Variants in DOCK5 observed in about 807,000 individuals in gnomAD.
DOCK5 encodes the protein dedicator of cytokinesis protein 5.
In DOCK5, 142 loss-of-function variants were observed where a neutral mutation model predicts 251.8. The observed-to-expected ratio is 0.56, with a 90% CI of 0.49 to 0.65. The LOEUF (loss-of-function observed/expected upper bound fraction) is 0.65. Ranked by LOEUF, DOCK5 falls within the 30% of genes least tolerant of loss-of-function variation. The probability of loss-of-function intolerance (pLI) is 0.00; values close to 1 mark genes in which losing one functional copy is unlikely to be tolerated. For synonymous variants in DOCK5, 842 were observed against 835.5 expected (o/e 1.01, Z -0.13); for missense variants, 2,111 against 2,312.3 (o/e 0.91, Z 1.79).
intron 6 of DOCK5, among the ~76,000 whole-genome samples, chr8:25,293,121 C>CT (rs1344874736): frequency 1.3e-5 from 2 of 152,128 alleles, no homozygotes; most frequent in African/African-American, 4.8e-5. Flanking sequence ...CTGACCAGCA[C>CT]TTTTTTAAAA....
chr8:25,390,367 G>A (rs1034329404), intron 42 of DOCK5, 80 bp downstream of exon 42: 31 of 1,262,874 alleles, frequency 2.5e-5, no homozygotes, highest in African/African-American at 2.0e-4. Flanking sequence ...AACATTTTCC[G>A]AAGCTGAGGG....
rs898752241 is a variant in DOCK5 at position 25,346,717 on chromosome 8, G to A, written c.2754+1106G>A. Among the ~76,000 whole-genome samples the A allele has an allele frequency of 1.7e-4, 17 of 98,790 alleles. 3 individuals are homozygous for A. Among genetic ancestry groups the A allele is most frequent in the East Asian group, 6.7e-4 (2 of 2,996 alleles). 64.8% of individuals were successfully genotyped at this position (98,790 alleles called of 152,430 possible). A position where few individuals can be genotyped will look rare whatever the true frequency, so the allele number is the denominator to read the frequency against. On this transcript the variant is annotated intron_variant, in intron 26 of 51. Coordinates refer to ENST00000276440, the MANE Select transcript of DOCK5 (RefSeq NM_024940.8). ...CACGCGCCTATAGTCCCAGCTACTC[G>A]GGAGGCCGAGGCAGGAGAATCCCTT...
At position 25,298,962 on chromosome 8, in the gene DOCK5, G is replaced by T; in HGVS notation, c.625G>T (p.Asp209Tyr). 2 of 1,612,102 alleles carry T rather than the reference G, an allele frequency of 1.2e-6. No individual in the cohort carries two copies. Among genetic ancestry groups the T allele is most frequent in the Non-Finnish European group, 1.7e-6 (2 of 1,179,294 alleles). Residue 209 changes from aspartate (D) to tyrosine (Y), a missense_variant, in exon 8 of 52, where the codon GAT becomes TAT. Transcript: ENST00000276440. ...TGTTCAGTCAATCCTGCAGAACCTC[G>T]ATTTGCGGGGCCAGTCCATCTTCAG... ...QEEKSILQNL[D>Y]LRGQSIFSTI...
intron 1 of DOCK5, among the ~76,000 whole-genome samples, chr8:25,230,890 G>A (rs1189460090): frequency 1.3e-5 from 2 of 151,968 alleles, no homozygotes; most frequent in South Asian, 2.1e-4. Flanking sequence ...CACCATTTGC[G>A]AAGAGTATGA....
intron 28 of DOCK5, among the ~76,000 whole-genome samples, chr8:25,361,871 GTC>G (rs1800688222): frequency 6.6e-6 from 1 of 152,202 alleles, no homozygotes; most frequent in Non-Finnish European, 1.5e-5. Context: ...TGGGCCTCCT[GTC>G]TCTCACATAC....
rs924321586 is a variant in DOCK5 at position 25,235,799 on chromosome 8, C to CTT, written c.44-7858_44-7857dup. On this transcript the variant is annotated intron_variant, in intron 1 of 51. Transcript: ENST00000276440. ...ATAGAGATTTTTTTCTTTTCTTTTC[C>CTT]TTTTTTTTTTTTTTTTTTGAAACGG... is the stretch of plus-strand genomic sequence containing the variant. 2.8e-3 allele frequency among the ~76,000 whole-genome samples: 358 copies of CTT among 128,578 alleles called. 6 individuals carry two copies. The highest frequency in any genetic ancestry group is 6.8e-3 in the African/African-American group (232 of 33,926). 84.4% of individuals were successfully genotyped at this position (128,578 alleles called of 152,430 possible). A position where few individuals can be genotyped will look rare whatever the true frequency, so the allele number is the denominator to read the frequency against.
At chr8:25,308,704 ACT>A in intron 11 of DOCK5, 77 bp from the exon 12 acceptor site, 1 of 1,507,642 alleles carries the variant, frequency 6.6e-7, no homozygotes, top group Non-Finnish European at 9.1e-7. Flanking sequence ...TTCCTATATG[ACT>A]CACCATTATC....
At chr8:25,267,512 A>T (rs1803787748) in intron 2 of DOCK5, among the ~76,000 whole-genome samples, 1 of 152,238 alleles carries the variant, frequency 6.6e-6, no homozygotes, top group Non-Finnish European at 1.5e-5. Context: ...AGAACAAATT[A>T]CAAGAGAGTT....
In DOCK5 at chr8:25,341,766, A is replaced by T; in HGVS notation, c.2467A>T (p.Ile823Leu). The T allele has an allele frequency of 6.3e-7, 1 of 1,578,616 alleles. No individual in the cohort carries two copies. The highest frequency in any genetic ancestry group is 1.2e-5 in the South Asian group (1 of 86,288). ...GGCAGCTTTGAAGTACCTTCCTAGC[A>T]TAATTAATGATGTCAAACTTGTATT... is the stretch of plus-strand genomic sequence containing the variant. ...KGAALKYLPS[I>L]INDVKLVFDP... The change falls in exon 24 of 52, where the codon ATA (isoleucine) becomes TTA (leucine). Residue 823 changes from isoleucine (I) to leucine (L), a missense_variant. Physicochemically the swap from Ile to Leu is conservative, Grantham distance 5. Transcript: ENST00000276440.
Position 25,395,525 on chromosome 8 carries a change from A to G in DOCK5, c.4528-18A>G. On this transcript the variant is annotated intron_variant, in intron 44 of 51. Coordinates refer to ENST00000276440, the MANE Select transcript of DOCK5 (RefSeq NM_024940.8). ...AGCTGACAAGTGTCCTCTTTCTCCCATGTGCTCTGTCACTCAGGAAGAGAT... is the reference window on the plus strand; with the variant it reads ...AGCTGACAAGTGTCCTCTTTCTCCCGTGTGCTCTGTCACTCAGGAAGAGAT... 6.3e-7 allele frequency: 1 copy of G among 1,599,858 alleles called. No homozygotes were observed. The highest frequency in any genetic ancestry group is 8.5e-7 in the Non-Finnish European group (1 of 1,176,544).
chr8:25,404,413 G>A (rs924032931), intron 48 of DOCK5, among the ~76,000 whole-genome samples: 5 of 152,098 alleles, frequency 3.3e-5, no homozygotes, highest in Admixed American at 6.6e-5. Flanking sequence ...CTTGGGGCCC[G>A]AAGTGTTTTG....
chr8:25,291,901 A>G, intron 5 of DOCK5, 123 bp from the exon 6 acceptor site: 2 of 1,024,984 alleles, frequency 2.0e-6, no homozygotes. Context: ...AATCGGCCAA[A>G]AGATGTTCCC....
chr8:25,269,080 G>A (rs1056796690), intron 3 of DOCK5, among the ~76,000 whole-genome samples, 195 bp downstream of exon 3: 1 of 152,188 alleles, frequency 6.6e-6, no homozygotes, highest in African/African-American at 2.4e-5. Context: ...CCCATTGACT[G>A]TATTTCCTAC....
chr8:25,242,716 C>T (rs1163860550), intron 1 of DOCK5, among the ~76,000 whole-genome samples: 1 of 152,186 alleles, frequency 6.6e-6, no homozygotes. Flanking sequence ...CAACCCGGCC[C>T]AGCCATTGCC....
At chr8:25,363,856 G>T (rs1319234973) in intron 29 of DOCK5, among the ~76,000 whole-genome samples, 2 of 152,170 alleles carry the variant, frequency 1.3e-5, no homozygotes, top group African/African-American at 4.8e-5. Context: ...ATTCCATAAG[G>T]TTCTTCTGAA....
At chr8:25,329,136 C>T (rs1410406611) in intron 18 of DOCK5, among the ~76,000 whole-genome samples, 1 of 152,142 alleles carries the variant, frequency 6.6e-6, no homozygotes, top group Non-Finnish European at 1.5e-5. Flanking sequence ...CTTAAATTCT[C>T]TCCTTTAGGG....
chr8:25,315,424 C>G (rs1805218382), intron 13 of DOCK5, among the ~76,000 whole-genome samples: 1 of 152,178 alleles, frequency 6.6e-6, no homozygotes, highest in Non-Finnish European at 1.5e-5. Flanking sequence ...TGGTGCTTCT[C>G]TCTGGCACTA....
At chr8:25,198,272 T>A in intron 1 of DOCK5, among the ~76,000 whole-genome samples, 1 of 152,076 alleles carries the variant, frequency 6.6e-6, no homozygotes, top group East Asian at 1.9e-4. Context: ...CAGAGACCAG[T>A]TATAAGACGA....
At chr8:25,205,257 C>G (rs1244962930) in intron 1 of DOCK5, among the ~76,000 whole-genome samples, 1 of 152,062 alleles carries the variant, frequency 6.6e-6, no homozygotes, top group Non-Finnish European at 1.5e-5. Context: ...CTCACTCTCT[C>G]TCCCTCTGTC....
Sources: gnomAD v4.1 joint callset for allele counts (sites outside exome capture counted in the v4.1 genomes callset) on GRCh38, gnomAD v4.1.1 for gene constraint, MANE v1.5 for transcripts, NCBI Gene and HGNC (gene_info 2026-07-23, HGNC 2026-07-21) for gene names.